The following SLC35F4 variants were observed in gnomAD, a reference collection of about 807,000 sequenced individuals.
SLC35F4 encodes the protein chromosome 14 open reading frame 36.
SLC35F4 carries 24 observed loss-of-function variants against 44.2 expected under a neutral mutation model. The ratio of observed to expected loss-of-function variants is 0.54; its 90% CI spans 0.39 to 0.76. The LOEUF is 0.76. SLC35F4 is among the 30% of genes least tolerant of loss of function. The pLI, the probability that SLC35F4 is intolerant of heterozygous loss-of-function variation, is 0.00. For synonymous variants in SLC35F4, 238 were observed against 223.6 expected, an observed-to-expected ratio of 1.06 and a Z score of -0.57; for missense variants, 562 against 586.1, an observed-to-expected ratio of 0.96 and a Z score of 0.42.
chr14:57,880,087 AGG>A (rs1360516919), intron 1 of SLC35F4, among the ~76,000 whole-genome samples: 5 of 128,292 alleles, frequency 3.9e-5, no homozygotes, highest in Non-Finnish European at 6.9e-5. Flanking sequence ...GAAGGAAGGA[AGG>A]AAGGAAGGAA....
intron 1 of SLC35F4, among the ~76,000 whole-genome samples, chr14:57,797,789 C>T (rs1054202700): frequency 2.6e-5 from 4 of 152,140 alleles, no homozygotes; most frequent in African/African-American, 9.7e-5. Flanking sequence ...CAATTTGTCA[C>T]TCCCCTGTAA....
At chr14:57,863,927 G>A (rs528298054) in intron 1 of SLC35F4, among the ~76,000 whole-genome samples, 2 of 152,134 alleles carry the variant, frequency 1.3e-5, no homozygotes, top group Non-Finnish European at 2.9e-5. Context: ...TTATAGCCTT[G>A]GCCAGTGCTC....
intron 1 of SLC35F4, among the ~76,000 whole-genome samples, chr14:57,616,404 GC>G (rs2071830390): frequency 6.6e-6 from 1 of 152,168 alleles, no homozygotes; most frequent in South Asian, 2.1e-4. Context: ...ATGATTAACT[GC>G]CCCCTTGGGT....
At chr14:57,921,615 G>T (rs1566929908) in intron 1 of SLC35F4, among the ~76,000 whole-genome samples, 1 of 152,162 alleles carries the variant, frequency 6.6e-6, no homozygotes, top group Non-Finnish European at 1.5e-5. Context: ...CAGCAGGATT[G>T]GTTCCTTCTG....
At chr14:57,874,227 C>G (rs1488707239) in intron 1 of SLC35F4, among the ~76,000 whole-genome samples, 1 of 152,100 alleles carries the variant, frequency 6.6e-6, no homozygotes, top group African/African-American at 2.4e-5. Context: ...CATCCTCCTT[C>G]CTGGAGGAGC....
intron 1 of SLC35F4, among the ~76,000 whole-genome samples, chr14:57,677,557 C>T (rs568402710): frequency 7.9e-5 from 12 of 151,816 alleles, no homozygotes; most frequent in Admixed American, 2.6e-4. Context: ...TTTATGACTA[C>T]GATGTTGAAG....
downstream of SLC35F4, among the ~76,000 whole-genome samples, chr14:57,976,072 T>C (rs1366775823): frequency 6.6e-6 from 1 of 152,206 alleles, no homozygotes; most frequent in Non-Finnish European, 1.5e-5. Context: ...TTAGAAACTA[T>C]GGTCTCTCAC....
At chr14:57,660,111 T>C (rs78914890) in intron 1 of SLC35F4, among the ~76,000 whole-genome samples, 3,945 of 152,274 alleles carry the variant, frequency 0.026, 155 homozygotes, top group African/African-American at 0.089. Flanking sequence ...TATTTGTGAG[T>C]GGTTACCAAA....
chr14:57,583,166 GTGAACAGTCTCTT>G (rs2069420669), intron 3 of SLC35F4, among the ~76,000 whole-genome samples: 1 of 152,224 alleles, frequency 6.6e-6, no homozygotes, highest in African/African-American at 2.4e-5. Flanking sequence ...ACACAGGAAA[GTGAACAGTCTCTT>G]TGAAGCCCCA....
At chr14:57,914,075 G>T (rs1159523302) in intron 1 of SLC35F4, among the ~76,000 whole-genome samples, 3 of 152,156 alleles carry the variant, frequency 2.0e-5, no homozygotes, top group African/African-American at 7.2e-5. Flanking sequence ...ATCAGATATT[G>T]TCTTAGTCTG....
chr14:57,587,341 C>T (rs922060984), intron 3 of SLC35F4, among the ~76,000 whole-genome samples: 1 of 152,144 alleles, frequency 6.6e-6, no homozygotes, highest in Admixed American at 6.5e-5. Context: ...TATTGTGGCA[C>T]TGTTAACAAT....
intron 1 of SLC35F4, among the ~76,000 whole-genome samples, chr14:57,639,568 A>G (rs541726645): frequency 6.6e-6 from 1 of 152,124 alleles, no homozygotes; most frequent in East Asian, 1.9e-4. Flanking sequence ...TGCCAGATAT[A>G]ATTTTAAAAT....
At chr14:57,963,482 T>A (rs1346696692) in intron 1 of SLC35F4, among the ~76,000 whole-genome samples, 1 of 152,082 alleles carries the variant, frequency 6.6e-6, no homozygotes, top group Non-Finnish European at 1.5e-5. Flanking sequence ...GGACACAATT[T>A]CAGCAGCAGG....
At chr14:57,756,686 A>G (rs1405805162) in intron 1 of SLC35F4, among the ~76,000 whole-genome samples, 1 of 151,832 alleles carries the variant, frequency 6.6e-6, no homozygotes, top group East Asian at 1.9e-4. Flanking sequence ...ACAGGGTCCC[A>G]CTCTGTTGCC....
At chr14:57,791,181 A>T (rs2077907722) in intron 1 of SLC35F4, among the ~76,000 whole-genome samples, 1 of 152,210 alleles carries the variant, frequency 6.6e-6, no homozygotes, top group African/African-American at 2.4e-5. Flanking sequence ...AGAAACTATC[A>T]TCGGAGTGAA....
intron 1 of SLC35F4, among the ~76,000 whole-genome samples, chr14:57,886,570 A>G (rs1888651206): frequency 6.6e-6 from 1 of 152,122 alleles, no homozygotes; most frequent in Non-Finnish European, 1.5e-5. Flanking sequence ...GAATTAATAT[A>G]TTTTTCCATC....
At chr14:57,681,104 G>A (rs1047492853) in intron 1 of SLC35F4, among the ~76,000 whole-genome samples, 3 of 151,974 alleles carry the variant, frequency 2.0e-5, no homozygotes, top group Non-Finnish European at 2.9e-5. Flanking sequence ...AAGCCATCAC[G>A]CTACTGACTT....
chr14:57,596,649 T>A (rs762821167), intron 1 of SLC35F4: 9 of 597,784 alleles, frequency 1.5e-5, no homozygotes, highest in Non-Finnish European at 2.8e-5. Context: ...GGGTAGCAAG[T>A]TGGGATGGGA....
intron 1 of SLC35F4, among the ~76,000 whole-genome samples, chr14:57,809,290 G>A (rs564621888): frequency 6.6e-6 from 1 of 152,272 alleles, no homozygotes; most frequent in South Asian, 2.1e-4. Flanking sequence ...TTGCCTCCTA[G>A]TCACACAGCT....
Sources: allele counts gnomAD v4.1 joint callset (sites outside exome capture counted in the v4.1 genomes callset), GRCh38; gene constraint gnomAD v4.1.1; transcripts MANE v1.5; gene names NCBI Gene and HGNC (gene_info 2026-07-23, HGNC 2026-07-21).